The following POM121C variants were observed in gnomAD, a reference collection of about 807,000 sequenced individuals.
POM121C encodes the protein POM121 transmembrane nucleoporin C, also known as nuclear envelope pore membrane protein POM 121C.
In POM121C, 20 loss-of-function variants were observed where a neutral mutation model predicts 66.4. That is an observed-to-expected ratio of 0.30 (90% CI 0.21 to 0.44). POM121C has a LOEUF of 0.44. Ranked by LOEUF, POM121C falls within the 20% of genes least tolerant of loss-of-function variation. POM121C has a pLI of 1.00. For synonymous variants in POM121C, 286 were observed against 528.0 expected (o/e 0.54, Z 6.28); for missense variants, 580 against 1,225.7 (o/e 0.47, Z 7.87).
chr7:75,436,909 T>A (rs1367704692), intron 7 of POM121C, among the ~76,000 whole-genome samples: 1 of 152,010 alleles, frequency 6.6e-6, no homozygotes, highest in African/African-American at 2.4e-5. Context: ...GCATGAGCCA[T>A]CCCGCCCAGC....
chr7:75,423,708 G>C (rs1272100499), intron 12 of POM121C, among the ~76,000 whole-genome samples: 1 of 152,200 alleles, frequency 6.6e-6, no homozygotes, highest in Non-Finnish European at 1.5e-5. Flanking sequence ...TGTTGTTCTG[G>C]ACCAGTAGTT....
intron 7 of POM121C, among the ~76,000 whole-genome samples, chr7:75,431,553 A>G (rs1414969850): frequency 2.7e-5 from 4 of 146,766 alleles, no homozygotes; most frequent in African/African-American, 1.0e-4. Context: ...CCATGAGCCA[A>G]GATTGTGCCA....
At chr7:75,482,135 T>C (rs2923717) in intron 1 of POM121C, among the ~76,000 whole-genome samples, 2 of 151,982 alleles carry the variant, frequency 1.3e-5, no homozygotes, top group African/African-American at 4.8e-5. Context: ...AAGGGTAACA[T>C]AATCCAAACT....
chr7:75,436,873 G>C (rs587736347), intron 7 of POM121C, among the ~76,000 whole-genome samples: 3 of 152,146 alleles, frequency 2.0e-5, no homozygotes, highest in South Asian at 2.1e-4. Flanking sequence ...CTCCCACCTT[G>C]ATCTCCCAAA....
At chr7:75,477,064 T>C (rs1202891331) in intron 1 of POM121C, among the ~76,000 whole-genome samples, 1 of 151,354 alleles carries the variant, frequency 6.6e-6, no homozygotes, top group Non-Finnish European at 1.5e-5. Context: ...ATATGTGACA[T>C]ATGTATTTCA....
chr7:75,429,186 G>A lies in POM121C; in HGVS notation c.481-2733C>T, dbSNP rs587674291. On this transcript the variant is annotated intron_variant, in intron 7 of 14. Coordinates refer to ENST00000615331, the MANE Select transcript of POM121C (RefSeq NM_001099415.3). The stretch of plus-strand genomic sequence containing the variant: ...AACAGAATAAGACTGCAGAGGGAAG[G>A]AAAAACTCATTATCATAGACATGAG... 2.6e-5 allele frequency among the ~76,000 whole-genome samples: 4 copies of A among 152,282 alleles called. No homozygotes were observed. The South Asian group carries it at 8.3e-4, about 32-fold the overall frequency.
intron 3 of POM121C, among the ~76,000 whole-genome samples, chr7:75,471,159 C>A (rs1320661164): frequency 2.0e-5 from 3 of 152,130 alleles, no homozygotes; most frequent in Non-Finnish European, 4.4e-5. Context: ...AGCATCTAAA[C>A]CGACCACAGT....
At chr7:75,435,776 A>G (rs781815546) in intron 7 of POM121C, among the ~76,000 whole-genome samples, 17 of 152,246 alleles carry the variant, frequency 1.1e-4, no homozygotes, top group East Asian at 3.8e-4. Context: ...ATGGCCAGGC[A>G]TGGTGGCTCA....
intron 1 of POM121C, among the ~76,000 whole-genome samples, chr7:75,480,992 G>C (rs1554480032): frequency 6.7e-6 from 1 of 149,216 alleles, no homozygotes; most frequent in Non-Finnish European, 1.5e-5. Flanking sequence ...AGGGTAAAGA[G>C]GCATGACACG....
intron 3 of POM121C, among the ~76,000 whole-genome samples, 158 bp from the exon 4 acceptor site, chr7:75,441,805 C>A (rs1554474056): frequency 6.6e-6 from 1 of 152,042 alleles, no homozygotes. Context: ...TTCCCCTATT[C>A]CATCTAAGAG....
intron 7 of POM121C, among the ~76,000 whole-genome samples, chr7:75,429,522 T>C (rs1218753903): frequency 2.0e-5 from 3 of 152,102 alleles, no homozygotes; most frequent in Non-Finnish European, 4.4e-5. Context: ...TCTCGGCTAC[T>C]TGGAACGCTG....
rs1790463064 is a variant in POM121C at position 75,437,540 on chromosome 7, T to C, written c.455A>G (p.Tyr152Cys). The stretch of plus-strand genomic sequence containing the variant: ...CTGTGAGATGCCTCGAGTGGAGCTG[T>C]AGGAACTGGTAATGGCATTGCGGCT... ...SSSRNAITSS[Y>C]SSTRGISQLW... The change falls in exon 7 of 15, where the codon TAC (tyrosine) becomes TGC (cysteine). Residue 152 changes from tyrosine (Y) to cysteine (C), a missense_variant. By Grantham distance (194) the Tyr-to-Cys change is radical. Coordinates refer to ENST00000615331, the MANE Select transcript of POM121C (RefSeq NM_001099415.3). 4 of 1,613,644 alleles carry C rather than the reference T, an allele frequency of 2.5e-6. No homozygotes were observed. In the South Asian group the frequency reaches 3.3e-5, roughly 13 times the overall value.
chr7:75,425,307 A>G (rs1476898642), intron 9 of POM121C, 112 bp from the exon 10 acceptor site: 4 of 767,818 alleles, frequency 5.2e-6, no homozygotes, highest in Non-Finnish European at 8.1e-6. Context: ...ATCTCTGAAA[A>G]GATTCAATCT....
In POM121C at chr7:75,474,739, A is replaced by T. The variant is rs1792011291; in HGVS notation, c.-187T>A. 2.7e-6 allele frequency: 4 copies of T among 1,461,840 alleles called. No individual in the cohort carries two copies. The Admixed American group carries it at 7.0e-5, about 26-fold the overall frequency. 90.6% of individuals were successfully genotyped at this position (1,461,840 alleles called of 1,614,324 possible). A position where few individuals can be genotyped will look rare whatever the true frequency, so the allele number is the denominator to read the frequency against. ...TTGACATGGAAATTCACCTCCCGTTATCCACAGCTCCTCTCCCTGCTCCAA... is the reference window on the plus strand; with the variant it reads ...TTGACATGGAAATTCACCTCCCGTTTTCCACAGCTCCTCTCCCTGCTCCAA... On this transcript the variant is annotated 5_prime_UTR_variant, in exon 3 of 15. The change abolishes the stop of an existing upstream ORF in the 5' untranslated region. Coordinates refer to ENST00000615331, the MANE Select transcript of POM121C (RefSeq NM_001099415.3).
At chr7:75,421,009 G>T in intron 13 of POM121C, 1 of 174,414 alleles carries the variant, frequency 5.7e-6, no homozygotes, top group Non-Finnish European at 1.1e-5. Context: ...GTCTTGCTCT[G>T]TCACCTAGGC....
At chr7:75,439,326 C>A (rs1435501500) in intron 5 of POM121C, 102 bp from the exon 6 acceptor site, 2 of 1,489,690 alleles carry the variant, frequency 1.3e-6, no homozygotes, top group Non-Finnish European at 1.9e-6. Flanking sequence ...CTCTATGGAG[C>A]ACAGATTCCA....
At chr7:75,483,547 C>T (rs376823213) in intron 1 of POM121C, among the ~76,000 whole-genome samples, 7 of 152,270 alleles carry the variant, frequency 4.6e-5, no homozygotes, top group Non-Finnish European at 7.3e-5. Flanking sequence ...AGCCTGCAGA[C>T]GTGAGCCAAT....
intron 7 of POM121C, among the ~76,000 whole-genome samples, chr7:75,435,934 C>A (rs1790387880): frequency 6.6e-6 from 1 of 152,064 alleles, no homozygotes; most frequent in South Asian, 2.1e-4. Context: ...GCCTGTAATC[C>A]CAGCTACTTG....
chr7:75,472,411 G>A (rs1455513005), intron 3 of POM121C, among the ~76,000 whole-genome samples: 1 of 151,958 alleles, frequency 6.6e-6, no homozygotes, highest in Non-Finnish European at 1.5e-5. Context: ...TACTCGGGAG[G>A]CTGAGGCACA....
Sources: gnomAD v4.1 joint callset for allele counts (sites outside exome capture counted in the v4.1 genomes callset) on GRCh38, gnomAD v4.1.1 for gene constraint, MANE v1.5 for transcripts, NCBI Gene and HGNC (gene_info 2026-07-23, HGNC 2026-07-21) for gene names.